The following ARPC3 variants were observed in gnomAD, a reference collection of about 807,000 sequenced individuals.
ARPC3 encodes actin-related protein 2/3 complex subunit 3.
A neutral mutation model predicts 27.6 loss-of-function variants in ARPC3; 12 were observed. The observed-to-expected ratio is 0.43, with a 90% CI of 0.28 to 0.70. ARPC3 has a LOEUF of 0.70. ARPC3 is among the 30% of genes least tolerant of loss of function. The pLI, the probability that ARPC3 is intolerant of heterozygous loss-of-function variation, is 0.17. For synonymous variants in ARPC3, 53 were observed against 67.2 expected (o/e 0.79, Z 1.03); for missense variants, 153 against 207.7 (o/e 0.74, Z 1.62).
chr12:110,436,715 C>CAT, intron 4 of ARPC3, 32 bp from the exon 5 acceptor site: 1 of 381,412 alleles, frequency 2.6e-6, no homozygotes, highest in Non-Finnish European at 4.3e-6. Context: ...TATATATACA[C>CAT]ACACACACAC....
intron 4 of ARPC3, 70 bp from the exon 5 acceptor site, chr12:110,436,753 C>CACAT (rs1282275632): frequency 1.0e-6 from 1 of 954,654 alleles, no homozygotes; most frequent in East Asian, 3.1e-5. Flanking sequence ...CACACACACA[C>CACAT]ATATTTTACA....
At chr12:110,446,611 A>AT (rs556197117) in intron 1 of ARPC3, among the ~76,000 whole-genome samples, 4,919 of 130,572 alleles carry the variant, frequency 0.038, 132 homozygotes, top group South Asian at 0.076. Flanking sequence ...CTACTTCCTA[A>AT]TTTTTTTTTT....
chr12:110,445,509 C>T lies in ARPC3; in HGVS notation c.49G>A (p.Gly17Arg), dbSNP rs575132698. The change falls in exon 2 of 7, where the codon GGA (glycine) becomes AGA (arginine). Residue 17 changes from glycine to arginine, a missense_variant. Gly to Arg is a moderately radical substitution (Grantham distance 125). Coordinates refer to ENST00000228825, the MANE Select transcript of ARPC3 (RefSeq NM_001278556.2). ...CTGATAGGCAACAGTGCCATGTTTC[C>T]GATGAGTTTGGTATCAGGATCCATG... ...SLMDPDTKLI[G>R]NMALLPIRSQ... 24 of 1,613,836 alleles carry T rather than the reference C, an allele frequency of 1.5e-5. No individual in the cohort carries two copies. The highest frequency in any genetic ancestry group is 1.1e-4 in the South Asian group (10 of 91,076).
At chr12:110,446,998 T>A (rs775409610) in intron 1 of ARPC3, among the ~76,000 whole-genome samples, 2 of 152,204 alleles carry the variant, frequency 1.3e-5, no homozygotes, top group Non-Finnish European at 2.9e-5. Context: ...CTGCTGTGCA[T>A]CTCTTCCAAT....
chr12:110,447,271 A>C (rs1433845763), intron 1 of ARPC3, among the ~76,000 whole-genome samples: 1 of 152,210 alleles, frequency 6.6e-6, no homozygotes, highest in Admixed American at 6.6e-5. Flanking sequence ...AAAAAAAATC[A>C]CATTTATGAG....
At chr12:110,443,415 C>G (rs542553430) in intron 2 of ARPC3, among the ~76,000 whole-genome samples, 2 of 147,464 alleles carry the variant, frequency 1.4e-5, no homozygotes, top group Non-Finnish European at 3.0e-5. Flanking sequence ...CGTGAGCCAC[C>G]GCGCCACGCC....
chr12:110,435,301 T>C (rs1355502993), intron 6 of ARPC3, 84 bp from the exon 7 acceptor site: 8 of 1,075,782 alleles, frequency 7.4e-6, no homozygotes, highest in East Asian at 2.5e-5. Context: ...AATTTCACAT[T>C]AGTCTGGAAT....
At position 110,450,312 on chromosome 12, in the gene ARPC3, A is replaced by G. The variant is rs761075070; in HGVS notation, c.-52T>C. ...GAGGAGCAGGATCCAGGTACAGCGG[A>G]GCGCTTCCGGTCTGGCAGCCTGGGC... is the stretch of plus-strand genomic sequence containing the variant. On this transcript the variant is annotated 5_prime_UTR_variant, in exon 1 of 7. Coordinates refer to ENST00000228825, the MANE Select transcript of ARPC3 (RefSeq NM_001278556.2). The G allele has an allele frequency of 4.3e-6, 7 of 1,613,202 alleles. No homozygotes were observed. Among genetic ancestry groups the G allele is most frequent in the East Asian group, 4.5e-5 (2 of 44,864 alleles).
At position 110,436,738 on chromosome 12, in the gene ARPC3, AC is replaced by A. The variant is rs1245738459; in HGVS notation, c.253-56del. ...CACACACACACACACACACACACAC[AC>A]ACACACACACACACATATTTTACAG... On this transcript the variant is annotated intron_variant, in intron 4 of 6. Transcript: ENST00000228825. The A allele has an allele frequency of 4.8e-4, 530 of 1,103,682 alleles. 1 individual carries two copies. The East Asian group carries it at 0.013, about 26-fold the overall frequency. 68.4% of individuals were successfully genotyped at this position (1,103,682 alleles called of 1,614,324 possible). A position where few individuals can be genotyped will look rare whatever the true frequency, so the allele number is the denominator to read the frequency against.
At chr12:110,440,781 C>A (rs907511396) in intron 2 of ARPC3, among the ~76,000 whole-genome samples, 1 of 150,574 alleles carries the variant, frequency 6.6e-6, no homozygotes, top group African/African-American at 2.4e-5. Context: ...CTCCTGACCG[C>A]GTGATCCGCC....
chr12:110,446,382 C>T (rs1231531279), intron 1 of ARPC3, among the ~76,000 whole-genome samples: 1 of 151,208 alleles, frequency 6.6e-6, no homozygotes, highest in Non-Finnish European at 1.5e-5. Context: ...ACTGCAACCT[C>T]CGCCTCCCGG....
At chr12:110,447,186 AG>A (rs2062469221) in intron 1 of ARPC3, among the ~76,000 whole-genome samples, 1 of 152,220 alleles carries the variant, frequency 6.6e-6, no homozygotes, top group African/African-American at 2.4e-5. Flanking sequence ...TTCTTCTCTT[AG>A]CTTGTTTCCA....
At chr12:110,443,219 C>T (rs536186987) in intron 2 of ARPC3, among the ~76,000 whole-genome samples, 46 of 150,544 alleles carry the variant, frequency 3.1e-4, no homozygotes, top group Admixed American at 1.5e-3. Context: ...CCTGGGTTCA[C>T]GCCATTCTCC....
intron 1 of ARPC3, among the ~76,000 whole-genome samples, chr12:110,448,485 T>C (rs777212177): frequency 6.6e-6 from 1 of 151,882 alleles, no homozygotes; most frequent in Admixed American, 6.6e-5. Context: ...GAGATCAGCC[T>C]GGACAACATG....
Position 110,441,640 on chromosome 12 carries a change from C to T in ARPC3, c.107-1252G>A, listed in dbSNP as rs182556860. On this transcript the variant is annotated intron_variant, in intron 2 of 6. Coordinates refer to ENST00000228825, the MANE Select transcript of ARPC3 (RefSeq NM_001278556.2). ...TGAATTCCTGAGCGCAAGTGATCCTCCTGCTTCAGCTTCCCAGGTAGCCGG... is the reference window on the plus strand; with the variant it reads ...TGAATTCCTGAGCGCAAGTGATCCTTCTGCTTCAGCTTCCCAGGTAGCCGG... Among the ~76,000 whole-genome samples the T allele has an allele frequency of 3.2e-3, 483 of 152,160 alleles. 1 individual carries two copies. Among genetic ancestry groups the T allele is most frequent in the Non-Finnish European group, 5.5e-3 (376 of 68,004 alleles).
intron 2 of ARPC3, among the ~76,000 whole-genome samples, chr12:110,441,769 G>A (rs756915540): frequency 5.9e-5 from 9 of 151,636 alleles, no homozygotes; most frequent in Admixed American, 1.3e-4. Flanking sequence ...AGTGACTCAC[G>A]CCTGTAATCC....
chr12:110,444,275 C>T (rs529684532), intron 2 of ARPC3, among the ~76,000 whole-genome samples: 30 of 149,492 alleles, frequency 2.0e-4, no homozygotes, highest in African/African-American at 6.5e-4. Flanking sequence ...CTGGCCTTTG[C>T]AGTGAAAAAA....
intron 1 of ARPC3, among the ~76,000 whole-genome samples, chr12:110,447,688 G>A (rs1054789359): frequency 1.6e-4 from 25 of 151,946 alleles, no homozygotes; most frequent in African/African-American, 5.6e-4. Flanking sequence ...CATGAGAATC[G>A]CTTGAACCCA....
intron 4 of ARPC3, 161 bp from the exon 5 acceptor site, chr12:110,436,844 T>C (rs906222663): frequency 1.4e-6 from 1 of 699,558 alleles, no homozygotes; most frequent in Admixed American, 2.9e-5. Flanking sequence ...TCTGTCAAGA[T>C]TTCTGTCTTG....
Sources: gnomAD v4.1 joint callset for allele counts (sites outside exome capture counted in the v4.1 genomes callset) on GRCh38, gnomAD v4.1.1 for gene constraint, MANE v1.5 for transcripts, NCBI Gene and HGNC (gene_info 2026-07-23, HGNC 2026-07-21) for gene names.